Variants in EP300 observed in about 807,000 individuals in gnomAD.
The protein encoded by EP300 is histone acetyltransferase p300.
In EP300, 31 loss-of-function variants were observed where a neutral mutation model predicts 264.0. That is an observed-to-expected ratio of 0.12 (90% CI 0.09 to 0.16). The LOEUF is 0.16. Ranked by LOEUF, EP300 falls within the 10% of genes least tolerant of loss-of-function variation. The pLI is 1.00. For synonymous variants in EP300, 1,340 were observed against 1,045.4 expected (o/e 1.28, Z -5.44); for missense variants, 2,766 against 3,052.9 (o/e 0.91, Z 2.21).
At position 41,178,716 on chromosome 22, in the gene EP300, T is replaced by A. The variant is rs972247060; in HGVS notation, c.7005T>A (p.Pro2335=). ...CTTCCCCAAGGATGCAGCCTCAGCC[T>A]TCTCCACACCACGTTTCCCCACAGA... ...SSPSPRMQPQ[P]SPHHVSPQTS... The change falls in exon 31 of 31, where the codon CCT becomes CCA. Residue 2335 remains proline, a synonymous_variant. Transcript: ENST00000263253. 3 of 1,614,094 alleles carry A rather than the reference T, an allele frequency of 1.9e-6. No individual in the cohort carries two copies. The highest frequency in any genetic ancestry group is 1.3e-5 in the African/African-American group (1 of 75,018).
At chr22:41,109,968 C>CACGCCCAGCTAATTTTTGTATTTTTAGT (rs2058779823) in intron 1 of EP300, among the ~76,000 whole-genome samples, 3 of 151,910 alleles carry the variant, frequency 2.0e-5, no homozygotes, top group Non-Finnish European at 4.4e-5. Flanking sequence ...CGCCTGCCAC[C>CACGCCCAGCTAATTTTTGTATTTTTAGT]ACGCCCAGCT....
In EP300 at chr22:41,137,797, A is replaced by G; in HGVS notation, c.1760+7A>G. Reference sequence around the variant, plus strand: ...ATCATCTTGTTCACAAACTGTAAGTAAGATTGTGGACACGTCTCATTCGTA... The same window carrying G: ...ATCATCTTGTTCACAAACTGTAAGTGAGATTGTGGACACGTCTCATTCGTA... On this transcript the variant is annotated splice_region_variant and intron_variant, in intron 8 of 30. Transcript: ENST00000263253. The G allele has an allele frequency of 6.2e-7, 1 of 1,614,212 alleles. No individual in the cohort carries two copies. The highest frequency in any genetic ancestry group is 8.5e-7 in the Non-Finnish European group (1 of 1,180,026).
intron 1 of EP300, among the ~76,000 whole-genome samples, chr22:41,104,737 A>G (rs1488675058): frequency 2.0e-5 from 3 of 152,138 alleles, no homozygotes; most frequent in Non-Finnish European, 4.4e-5. Flanking sequence ...TCAAGACTTA[A>G]GGCTGGGCGC....
intron 1 of EP300, among the ~76,000 whole-genome samples, chr22:41,113,670 C>T (rs1012058702): frequency 1.1e-4 from 17 of 152,156 alleles, no homozygotes; most frequent in Admixed American, 4.6e-4. Flanking sequence ...CCTCAGCCTC[C>T]TGAGTAGCTG....
intron 2 of EP300, among the ~76,000 whole-genome samples, chr22:41,118,338 T>G (rs1439889957): frequency 6.6e-6 from 1 of 152,244 alleles, no homozygotes; most frequent in Non-Finnish European, 1.5e-5. Context: ...GGCCAAAGAC[T>G]TCTGTTAGCT....
chr22:41,112,659 G>A (rs929405413), intron 1 of EP300, among the ~76,000 whole-genome samples: 2 of 150,486 alleles, frequency 1.3e-5, no homozygotes, highest in Admixed American at 1.3e-4. Flanking sequence ...TGTCCATGAA[G>A]AAGATTGGCC....
chr22:41,148,906 C>T, intron 12 of EP300, 132 bp from the exon 13 acceptor site: 2 of 1,211,202 alleles, frequency 1.7e-6, no homozygotes, highest in South Asian at 2.7e-5. Flanking sequence ...CTTCAGCCCT[C>T]TTCACCTATA....
At chr22:41,167,638 T>A (rs1330909695) in intron 23 of EP300, among the ~76,000 whole-genome samples, 1 of 90,784 alleles carries the variant, frequency 1.1e-5, no homozygotes, top group East Asian at 2.4e-4. Context: ...ATATATATAA[T>A]GTTTGGTTGG....
intron 27 of EP300, 114 bp downstream of exon 27, chr22:41,170,685 G>A (rs1181761748): frequency 1.1e-5 from 11 of 1,028,372 alleles, no homozygotes; most frequent in Admixed American, 5.1e-5. Flanking sequence ...TTTTTGAGAC[G>A]GAGTCTCGCT....
At chr22:41,106,949 C>T (rs1656943011) in intron 1 of EP300, among the ~76,000 whole-genome samples, 1 of 152,094 alleles carries the variant, frequency 6.6e-6, no homozygotes, top group South Asian at 2.1e-4. Context: ...CACTGTCACC[C>T]AGGCTGGAGT....
At chr22:41,148,230 A>G (rs1316033862) in intron 12 of EP300, among the ~76,000 whole-genome samples, 1 of 152,114 alleles carries the variant, frequency 6.6e-6, no homozygotes, top group East Asian at 1.9e-4. Context: ...CTGTCTTGCA[A>G]GGTTGATGGT....
chr22:41,178,188 A>G lies in EP300; in HGVS notation c.6477A>G (p.Gly2159=). The change falls in exon 31 of 31, where the codon GGA becomes GGG. Residue 2159 remains glycine, a synonymous_variant. Transcript: ENST00000263253. The part of the protein sequence containing the change: ...QPQQQLQPPM[G]GMSPQAQQMN... ...AGCAGCAACTCCAGCCACCCATGGG[A>G]GGGATGAGCCCCCAGGCTCAGCAGA... is the stretch of plus-strand genomic sequence containing the variant. 6.2e-7 allele frequency: 1 copy of G among 1,614,136 alleles called. No homozygotes were observed. The highest frequency in any genetic ancestry group is 8.5e-7 in the Non-Finnish European group (1 of 1,180,012).
At chr22:41,105,963 G>C (rs1601591293) in intron 1 of EP300, among the ~76,000 whole-genome samples, 1 of 152,102 alleles carries the variant, frequency 6.6e-6, no homozygotes, top group African/African-American at 2.4e-5. Context: ...GATCTTGCCT[G>C]TCTTTCCAGC....
At position 41,177,561 on chromosome 22, in the gene EP300, G is replaced by A. The variant is rs1470129141; in HGVS notation, c.5850G>A (p.Arg1950=). Reference sequence around the variant, plus strand: ...TGGCCCACGTGCAAATTTTTCAAAGGCCAATCCAACACCAGATGCCCCCGA... The same window carrying A: ...TGGCCCACGTGCAAATTTTTCAAAGACCAATCCAACACCAGATGCCCCCGA... ...RQMAHVQIFQ[R]PIQHQMPPMT... Residue 1950 remains arginine, a synonymous_variant, in exon 31 of 31, where the codon AGG becomes AGA. Coordinates refer to ENST00000263253, the MANE Select transcript of EP300 (RefSeq NM_001429.4). The A allele has an allele frequency of 6.2e-7, 1 of 1,614,136 alleles. No individual in the cohort carries two copies. Among genetic ancestry groups the A allele is most frequent in the Non-Finnish European group, 8.5e-7 (1 of 1,180,038 alleles).
intron 1 of EP300, among the ~76,000 whole-genome samples, chr22:41,097,760 A>G (rs1250626912): frequency 1.3e-5 from 2 of 152,158 alleles, no homozygotes; most frequent in Admixed American, 1.3e-4. Flanking sequence ...TTAATGGGCA[A>G]ATGAAACCAA....
At chr22:41,096,131 G>C (rs1357531744) in intron 1 of EP300, among the ~76,000 whole-genome samples, 5 of 151,858 alleles carry the variant, frequency 3.3e-5, no homozygotes, top group Non-Finnish European at 7.4e-5. Flanking sequence ...CAAATCATTT[G>C]AGAAATGACA....
chr22:41,164,832 T>C lies in EP300; in HGVS notation c.3806+702T>C, dbSNP rs146658959. 2.8e-3 allele frequency among the ~76,000 whole-genome samples: 425 copies of C among 152,330 alleles called. 1 individual carries two copies. The highest frequency in any genetic ancestry group is 9.9e-3 in the African/African-American group (410 of 41,576). On this transcript the variant is annotated intron_variant, in intron 22 of 30. Transcript: ENST00000263253. ...TGGTTAGGGCAGGAACAGCAAGTTA[T>C]AAGGCTGCAGTCATAGTGTAATTGC...
intron 1 of EP300, among the ~76,000 whole-genome samples, chr22:41,107,867 A>G (rs945189120): frequency 6.7e-5 from 10 of 150,196 alleles, no homozygotes; most frequent in African/African-American, 9.7e-5. Context: ...CACCCAGCTA[A>G]TTTTGTATTT....
At chr22:41,151,225 A>G (rs2059042731) in intron 14 of EP300, among the ~76,000 whole-genome samples, 1 of 152,154 alleles carries the variant, frequency 6.6e-6, no homozygotes, top group African/African-American at 2.4e-5. Flanking sequence ...GTGGCCTCTG[A>G]TAGACAAGGA....
Sources: allele counts gnomAD v4.1 joint callset (sites outside exome capture counted in the v4.1 genomes callset), GRCh38; gene constraint gnomAD v4.1.1; transcripts MANE v1.5; gene names NCBI Gene and HGNC (gene_info 2026-07-23, HGNC 2026-07-21).